Variants in IMMP2L observed in about 807,000 individuals in gnomAD.
IMMP2L encodes the protein inner mitochondrial membrane peptidase subunit 2.
Under a neutral mutation model 19.3 loss-of-function variants are expected in IMMP2L, and 18 were observed. That is an observed-to-expected ratio of 0.93 (90% CI 0.64 to 1.38). The LOEUF (loss-of-function observed/expected upper bound fraction) is 1.38, where lower values mean the gene tolerates loss of function less well. Ranked by LOEUF, IMMP2L falls within the 40% of genes most tolerant of loss-of-function variation. IMMP2L has a pLI of 0.00. For synonymous variants in IMMP2L, 76 were observed against 73.0 expected (o/e 1.04, Z -0.21); for missense variants, 233 against 218.2 (o/e 1.07, Z -0.43).
At chr7:111,514,903 T>C (rs957188501) in intron 2 of IMMP2L, among the ~76,000 whole-genome samples, 1 of 152,232 alleles carries the variant, frequency 6.6e-6, no homozygotes, top group East Asian at 1.9e-4. Flanking sequence ...CAAAAAACAA[T>C]GTATCAAAGC....
intron 3 of IMMP2L, among the ~76,000 whole-genome samples, chr7:111,278,416 A>T (rs930405571): frequency 2.0e-5 from 3 of 152,176 alleles, no homozygotes; most frequent in African/African-American, 4.8e-5. Context: ...CTCCACTCCC[A>T]ACAATTGTTT....
chr7:111,459,746 GC>G (rs1839977607), intron 3 of IMMP2L, among the ~76,000 whole-genome samples: 1 of 152,036 alleles, frequency 6.6e-6, no homozygotes, highest in Non-Finnish European at 1.5e-5. Context: ...GTAAAATATA[GC>G]TTTTCCCTTA....
chr7:110,949,615 G>A (rs1817591182), intron 4 of IMMP2L, among the ~76,000 whole-genome samples: 1 of 152,010 alleles, frequency 6.6e-6, no homozygotes, highest in South Asian at 2.1e-4. Context: ...GTTGCCTATG[G>A]TTGTTTTCAT....
chr7:111,507,058 C>T (rs1844983804), intron 2 of IMMP2L, among the ~76,000 whole-genome samples: 1 of 151,682 alleles, frequency 6.6e-6, no homozygotes, highest in Admixed American at 6.6e-5. Flanking sequence ...CCAGGTTGGT[C>T]TCAAACTCCT....
intron 4 of IMMP2L, among the ~76,000 whole-genome samples, chr7:110,953,028 T>C (rs1342620044): frequency 1.3e-5 from 2 of 152,096 alleles, no homozygotes; most frequent in African/African-American, 4.8e-5. Flanking sequence ...TTCCAATACC[T>C]ACCTAGCAAA....
chr7:110,847,350 C>A (rs998007214), intron 5 of IMMP2L, among the ~76,000 whole-genome samples: 6 of 152,100 alleles, frequency 3.9e-5, no homozygotes, highest in African/African-American at 1.2e-4. Context: ...TACTTTTGTA[C>A]TACCATAAAA....
At chr7:111,559,777 T>C (rs1791807170) in intron 1 of IMMP2L, among the ~76,000 whole-genome samples, 1 of 152,144 alleles carries the variant, frequency 6.6e-6, no homozygotes, top group African/African-American at 2.4e-5. Flanking sequence ...CTTTTATATA[T>C]ACTCTTTGTT....
intron 3 of IMMP2L, among the ~76,000 whole-genome samples, chr7:110,974,825 T>C (rs1462193919): frequency 6.6e-6 from 1 of 152,184 alleles, no homozygotes; most frequent in Non-Finnish European, 1.5e-5. Flanking sequence ...AATTAGAAAA[T>C]ATGCAAGTTT....
intron 5 of IMMP2L, among the ~76,000 whole-genome samples, chr7:110,804,783 T>C (rs1015933854): frequency 1.3e-5 from 2 of 152,112 alleles, no homozygotes; most frequent in Non-Finnish European, 2.9e-5. Context: ...GCTTCGGCCA[T>C]GCTAATGAGG....
At chr7:110,900,025 G>T (rs1811703930) in intron 4 of IMMP2L, among the ~76,000 whole-genome samples, 1 of 152,188 alleles carries the variant, frequency 6.6e-6, no homozygotes, top group Non-Finnish European at 1.5e-5. Context: ...GATAGGAAGA[G>T]CAGGAAATCA....
chr7:110,692,722 A>G (rs1343951775), intron 5 of IMMP2L, among the ~76,000 whole-genome samples: 3 of 152,202 alleles, frequency 2.0e-5, no homozygotes, highest in Non-Finnish European at 2.9e-5. Flanking sequence ...AGGAGGAATT[A>G]CTATTCAGAG....
intron 5 of IMMP2L, among the ~76,000 whole-genome samples, chr7:110,684,859 T>C (rs564150083): frequency 6.6e-6 from 1 of 152,214 alleles, no homozygotes; most frequent in South Asian, 2.1e-4. Context: ...GCCCTGCCTA[T>C]GGATGAAGTC....
At chr7:111,447,730 A>G (rs545536466) in intron 3 of IMMP2L, among the ~76,000 whole-genome samples, 1 of 151,736 alleles carries the variant, frequency 6.6e-6, no homozygotes, top group African/African-American at 2.4e-5. Context: ...ATGTAAATGG[A>G]CTAAATTCTC....
In IMMP2L at chr7:111,445,999, C is replaced by T. The variant is rs937822636; in HGVS notation, c.239+41239G>A. On this transcript the variant is annotated intron_variant, in intron 3 of 5. Transcript: ENST00000405709. ...CACCCGAATATTGCGCTTTTCAGAC[C>T]GGCTTAAGAAACGGCGCACCACGAG... Among the ~76,000 whole-genome samples, 6 of 151,722 alleles carry T rather than the reference C, an allele frequency of 4.0e-5. No individual in the cohort carries two copies. The South Asian group carries it at 1.0e-3, about 26-fold the overall frequency.
At chr7:111,128,651 T>G (rs1012817853) in intron 3 of IMMP2L, among the ~76,000 whole-genome samples, 16 of 151,926 alleles carry the variant, frequency 1.1e-4, no homozygotes, top group Admixed American at 6.6e-4. Context: ...ATGGTGAAAC[T>G]CCGTCTCTAC....
intron 3 of IMMP2L, among the ~76,000 whole-genome samples, chr7:111,474,898 T>C (rs1184775026): frequency 6.6e-6 from 1 of 152,132 alleles, no homozygotes; most frequent in Non-Finnish European, 1.5e-5. Flanking sequence ...TGGTAAAATT[T>C]ATGTGAGACA....
intron 3 of IMMP2L, among the ~76,000 whole-genome samples, chr7:111,271,343 A>T (rs1053451898): frequency 6.6e-6 from 1 of 152,290 alleles, no homozygotes; most frequent in African/African-American, 2.4e-5. Context: ...AGAATGGATT[A>T]ATATACACAC....
intron 1 of IMMP2L, among the ~76,000 whole-genome samples, chr7:111,550,941 G>A (rs1022252171): frequency 3.9e-5 from 6 of 152,150 alleles, no homozygotes; most frequent in African/African-American, 1.4e-4. Flanking sequence ...AGATAAATCT[G>A]CAGGAGAAAA....
chr7:111,394,203 GAT>G (rs1200830680), intron 3 of IMMP2L, among the ~76,000 whole-genome samples: 2 of 151,966 alleles, frequency 1.3e-5, no homozygotes, highest in Non-Finnish European at 2.9e-5. Flanking sequence ...ATAAGACAAA[GAT>G]AAAATAAATG....
Sources: allele counts gnomAD v4.1 joint callset (sites outside exome capture counted in the v4.1 genomes callset), GRCh38; gene constraint gnomAD v4.1.1; transcripts MANE v1.5; gene names NCBI Gene and HGNC (gene_info 2026-07-23, HGNC 2026-07-21).